TMPRSS3: variants seen among roughly 807,000 people sequenced by gnomAD.
TMPRSS3 encodes transmembrane protease serine 3.
In TMPRSS3, 55 loss-of-function variants were observed where a neutral mutation model predicts 59.6. The ratio of observed to expected loss-of-function variants is 0.92; its 90% CI spans 0.74 to 1.16. The LOEUF is 1.16. Ranked by LOEUF, TMPRSS3 falls within the 50% of genes most tolerant of loss-of-function variation. The probability of loss-of-function intolerance (pLI) is 0.00; values close to 1 mark genes in which losing one functional copy is unlikely to be tolerated. For missense variants in TMPRSS3, 596 were observed against 579.4 expected (o/e 1.03, Z -0.29); for synonymous variants, 257 against 237.7 (o/e 1.08, Z -0.75).
rs908603457 is a variant in TMPRSS3 at position 42,388,085 on chromosome 21, C to A, written c.446+318G>T. On this transcript the variant is annotated intron_variant, in intron 5 of 12. Coordinates refer to ENST00000644384, the MANE Select transcript of TMPRSS3 (RefSeq NM_001256317.3). This position sits in a 1 kb window ranked among gnomAD's most constrained non-coding sequence, Gnocchi z 5.1. ...ACTCTAGGAGCTGCAAGCTGAGGAG[C>A]TGGAGGGTTTTTTGGTTTTGTTTTT... is the stretch of plus-strand genomic sequence containing the variant. 1.3e-5 allele frequency among the ~76,000 whole-genome samples: 2 copies of A among 152,318 alleles called. No individual in the cohort carries two copies. Among genetic ancestry groups the A allele is most frequent in the Middle Eastern group, 3.4e-3 (1 of 294 alleles).
rs2052346319 is a variant in TMPRSS3 at position 42,372,178 on chromosome 21, G to C, written c.*584C>G. The C allele has an allele frequency of 2.3e-6, 1 of 428,678 alleles. No individual in the cohort carries two copies. Among genetic ancestry groups the C allele is most frequent in the Non-Finnish European group, 4.8e-6 (1 of 210,242 alleles). The allele number at this position is 428,678 out of a possible 1,614,324, so 26.6% of individuals were successfully genotyped here. On this transcript the variant is annotated 3_prime_UTR_variant, in exon 13 of 13. Coordinates refer to ENST00000644384, the MANE Select transcript of TMPRSS3 (RefSeq NM_001256317.3). ...AACTGCTTATCTCGTCAGGAATTTT[G>C]CAAGACCCCTGGAGAGAAAACCAGA... is the stretch of plus-strand genomic sequence containing the variant.
At chr21:42,374,368 C>T (rs1237247902) in intron 12 of TMPRSS3, among the ~76,000 whole-genome samples, 1 of 152,250 alleles carries the variant, frequency 6.6e-6, no homozygotes, top group Non-Finnish European at 1.5e-5. Context: ...AGGTCTCAGT[C>T]CCAGGCCTCA....
At chr21:42,373,981 C>T (rs2052378670) in intron 12 of TMPRSS3, among the ~76,000 whole-genome samples, 1 of 152,180 alleles carries the variant, frequency 6.6e-6, no homozygotes, top group South Asian at 2.1e-4. Flanking sequence ...GTGCTCAGCC[C>T]CTGGGGATCT....
In TMPRSS3 at chr21:42,383,999, G is replaced by A; in HGVS notation, c.587C>T (p.Ser196Phe). ...GCACTGCAAGGTAACCACGTGGCCA[G>A]AGGCACATCCCTCCCTAAAGCGGAG... Reference protein sequence around the residue: ...HSVYVREGCASGHVVTLQCTA... With the variant: ...HSVYVREGCAFGHVVTLQCTA... Residue 196 changes from serine (S) to phenylalanine (F), a missense_variant, in exon 7 of 13, where the codon TCT (serine) becomes TTT (phenylalanine). Ser to Phe is a radical substitution (Grantham distance 155). Coordinates refer to ENST00000644384, the MANE Select transcript of TMPRSS3 (RefSeq NM_001256317.3). The A allele has an allele frequency of 1.2e-6, 2 of 1,614,072 alleles. No homozygotes were observed. The highest frequency in any genetic ancestry group is 8.5e-7 in the Non-Finnish European group (1 of 1,179,994).
Position 42,372,736 on chromosome 21 carries a change from C to T in TMPRSS3, c.*26G>A, listed in dbSNP as rs1234751830. 3.5e-5 allele frequency: 57 copies of T among 1,613,444 alleles called. No homozygotes were observed. The highest frequency in any genetic ancestry group is 6.7e-5 in the East Asian group (3 of 44,886). On this transcript the variant is annotated 3_prime_UTR_variant, in exon 13 of 13. Transcript: ENST00000644384. ...GGCTGTCTTCATCACCTCAGGAACT[C>T]AGGTGGCTACTTGTCCCCTTCCTCT...
chr21:42,383,516 C>T, intron 7 of TMPRSS3: 1 of 529,500 alleles, frequency 1.9e-6, no homozygotes, highest in Non-Finnish European at 3.4e-6. Flanking sequence ...ATGTCAGGAG[C>T]AGGCAGGAAC....
At chr21:42,385,773 C>T (rs939949546) in intron 5 of TMPRSS3, among the ~76,000 whole-genome samples, 2 of 152,184 alleles carry the variant, frequency 1.3e-5, no homozygotes, top group African/African-American at 4.8e-5. Context: ...CTGACAGCCC[C>T]GTCCACCCAC....
At position 42,385,511 on chromosome 21, in the gene TMPRSS3, C is replaced by A. The variant is rs774941186; in HGVS notation, c.470G>T (p.Arg157Ile). 6.2e-7 allele frequency: 1 copy of A among 1,614,170 alleles called. No individual in the cohort carries two copies. The highest frequency in any genetic ancestry group is 1.1e-5 in the South Asian group (1 of 91,076). Residue 157 changes from arginine (R) to isoleucine (I), a missense_variant, in exon 6 of 13, where the codon AGA (arginine) becomes ATA (isoleucine). Transcript: ENST00000644384. ...GAACTGCCCCTCCAGCGAGCTCACT[C>A]TGAGGTTATCTGAACTCACATAGCT... ...FPSYVSSDNLRVSSLEGQFRE... is the reference protein window; with the variant it reads ...FPSYVSSDNLIVSSLEGQFRE...
chr21:42,395,894 T>C (rs1228436673), intron 1 of TMPRSS3, 48 bp downstream of exon 1: 1 of 511,254 alleles, frequency 2.0e-6, no homozygotes, highest in Non-Finnish European at 3.9e-6. Context: ...ATTCTTTCCC[T>C]GTGCGTGTGG....
chr21:42,374,495 T>C (rs1376907302), intron 12 of TMPRSS3, among the ~76,000 whole-genome samples: 1 of 152,204 alleles, frequency 6.6e-6, no homozygotes, highest in Admixed American at 6.5e-5. Context: ...TCTTGGCCAA[T>C]TGTTTCAAAT....
rs1237955948 is a variant in TMPRSS3, at chr21:42,382,235, C to A, written c.783-1G>T. On this transcript the variant is annotated splice_acceptor_variant, in intron 8 of 12. Coordinates refer to ENST00000644384, the MANE Select transcript of TMPRSS3 (RefSeq NM_001256317.3). LOFTEE classifies it high-confidence loss of function. ...GGTCCATGACTTGGGGAGGTACAAG[C>A]TGAAATGAGAAGAGCAAGAGGTGAA... The A allele has an allele frequency of 6.2e-7, 1 of 1,614,040 alleles. No individual in the cohort carries two copies. The highest frequency in any genetic ancestry group is 1.1e-5 in the South Asian group (1 of 91,060).
intron 9 of TMPRSS3, 22 bp downstream of exon 9, chr21:42,382,043 C>T: frequency 6.2e-7 from 1 of 1,614,224 alleles, no homozygotes; most frequent in Non-Finnish European, 8.5e-7. Context: ...AGCTGCAGAA[C>T]CACATAGAGA....
Position 42,382,162 on chromosome 21 carries a change from G to A in TMPRSS3, c.855C>T (p.His285=). The change falls in exon 9 of 13, where the codon CAC becomes CAT. Residue 285 remains histidine (H), a synonymous_variant. Transcript: ENST00000644384. The part of the protein sequence containing the change: ...VSLLDNPAPS[H]LVEKIVYHSK... ...TGTGGTAGACAATCTTCTCCACCAA[G>A]TGGGATGGGGCTGGATTGTCCAACA... 1 of 1,614,232 alleles carries A rather than the reference G, an allele frequency of 6.2e-7. No individual in the cohort carries two copies. The highest frequency in any genetic ancestry group is 8.5e-7 in the Non-Finnish European group (1 of 1,180,034).
At position 42,381,694 on chromosome 21, in the gene TMPRSS3, T is replaced by C. The variant is rs2839498; in HGVS notation, c.952+371A>G. On this transcript the variant is annotated intron_variant, in intron 9 of 12. Transcript: ENST00000644384. Reference sequence around the variant, plus strand: ...CAGCCCACGAAGGCTCTAAAATTATTGTTGGAACTACAGCCCACCAATCTA... The same window carrying C: ...CAGCCCACGAAGGCTCTAAAATTATCGTTGGAACTACAGCCCACCAATCTA... Among the ~76,000 whole-genome samples, 85,956 of 152,078 alleles carry C rather than the reference T, an allele frequency of 0.57. 27,042 individuals carry two copies. The highest frequency in any genetic ancestry group is 0.86 in the African/African-American group (35,693 of 41,514).
At chr21:42,391,055 A>G (rs532311070) in intron 2 of TMPRSS3, among the ~76,000 whole-genome samples, 7 of 152,310 alleles carry the variant, frequency 4.6e-5, no homozygotes, top group African/African-American at 1.7e-4. Flanking sequence ...CAGCAGCCCT[A>G]TGACACTAAG....
intron 8 of TMPRSS3, chr21:42,382,662 T>C: frequency 2.5e-6 from 1 of 403,880 alleles, no homozygotes; most frequent in East Asian, 5.4e-5. Flanking sequence ...GCCCCCAACA[T>C]ATTCCCTCTA....
At chr21:42,375,558 C>G (rs113056304) in intron 12 of TMPRSS3, among the ~76,000 whole-genome samples, 158 bp downstream of exon 12, 1 of 152,120 alleles carries the variant, frequency 6.6e-6, no homozygotes, top group Non-Finnish European at 1.5e-5. Context: ...CTGTTTTCAG[C>G]ACAAGCGTCT....
At position 42,395,295 on chromosome 21, in the gene TMPRSS3, TCA is replaced by T. The variant is rs748431350; in HGVS notation, c.94+27_94+28del. On this transcript the variant is annotated intron_variant, in intron 2 of 12. Transcript: ENST00000644384. ...ACCTACATGAGGGTATGGGCAGAAA[TCA>T]CAGAGTCCTCACCTGGGTCCACTTA... 8.2e-6 allele frequency: 13 copies of T among 1,595,076 alleles called. No homozygotes were observed. The African/African-American group carries it at 1.1e-4, about 13-fold the overall frequency.
chr21:42,381,197 T>C (rs2052522800), intron 9 of TMPRSS3, among the ~76,000 whole-genome samples: 1 of 152,216 alleles, frequency 6.6e-6, no homozygotes, highest in African/African-American at 2.4e-5. Flanking sequence ...TAGTACTTTG[T>C]TTGCATCTAC....
Sources: gnomAD v4.1 joint callset for allele counts (sites outside exome capture counted in the v4.1 genomes callset) on GRCh38, gnomAD v4.1.1 for gene constraint, Gnocchi (gnomAD v3.1) non-coding constraint, MANE v1.5 for transcripts, NCBI Gene and HGNC (gene_info 2026-07-23, HGNC 2026-07-21) for gene names.